GNAO1: variants seen among roughly 807,000 people sequenced by gnomAD.
GNAO1 encodes the protein guanine nucleotide-binding protein G(o) subunit alpha.
For missense variants in GNAO1, 166 were observed against 478.7 expected, an observed-to-expected ratio of 0.35 and a Z score of 6.10; for synonymous variants, 164 against 180.7, an observed-to-expected ratio of 0.91 and a Z score of 0.74.
intron 2 of GNAO1, among the ~76,000 whole-genome samples, chr16:56,251,098 G>T (rs571598652): frequency 6.6e-6 from 1 of 152,340 alleles, no homozygotes; most frequent in Admixed American, 6.5e-5. Context: ...GTGTTTTACA[G>T]TCTACAACAG....
At chr16:56,303,799 A>G (rs2037366886) in intron 3 of GNAO1, among the ~76,000 whole-genome samples, 1 of 151,732 alleles carries the variant, frequency 6.6e-6, no homozygotes, top group African/African-American at 2.4e-5. Context: ...GAGTTCTCTC[A>G]GGATAGCCAT....
At chr16:56,238,146 T>C (rs1374173084) in intron 2 of GNAO1, among the ~76,000 whole-genome samples, 6 of 150,882 alleles carry the variant, frequency 4.0e-5, no homozygotes, top group African/African-American at 1.5e-4. Flanking sequence ...CGACTTTTTT[T>C]CAGCAGGCCT....
intron 4 of GNAO1, among the ~76,000 whole-genome samples, chr16:56,331,653 G>T (rs2037689718): frequency 1.3e-5 from 2 of 152,088 alleles, no homozygotes; most frequent in Non-Finnish European, 1.5e-5. Flanking sequence ...TGGTGATGGG[G>T]GAGGTCTGCT....
intron 3 of GNAO1, among the ~76,000 whole-genome samples, chr16:56,279,057 T>A (rs531166916): frequency 1.2e-3 from 184 of 152,076 alleles, no homozygotes; most frequent in African/African-American, 4.3e-3. Flanking sequence ...CTCTCATGTT[T>A]TTTTCACCTC....
At chr16:56,269,023 A>C (rs2036986367) in intron 2 of GNAO1, among the ~76,000 whole-genome samples, 1 of 152,176 alleles carries the variant, frequency 6.6e-6, no homozygotes, top group African/African-American at 2.4e-5. Flanking sequence ...GACGGCTGGA[A>C]ACCATTGGTG....
At chr16:56,200,380 C>T (rs2036272095) in intron 2 of GNAO1, among the ~76,000 whole-genome samples, 1 of 152,136 alleles carries the variant, frequency 6.6e-6, no homozygotes, top group Admixed American at 6.5e-5. Context: ...TTATTATTCT[C>T]CATAAACCAA....
chr16:56,203,184 A>T (rs1409417218), intron 2 of GNAO1, among the ~76,000 whole-genome samples: 1 of 151,606 alleles, frequency 6.6e-6, no homozygotes, highest in East Asian at 1.9e-4. Context: ...CTGTTGTTTT[A>T]CTCCACCGAG....
intron 2 of GNAO1, among the ~76,000 whole-genome samples, chr16:56,261,587 C>T (rs143797199): frequency 1.3e-5 from 2 of 152,310 alleles, no homozygotes; most frequent in Non-Finnish European, 2.9e-5. Context: ...AGAAGAGACA[C>T]AAGGGAGTGA....
At chr16:56,304,967 G>A (rs1480775032) in intron 3 of GNAO1, among the ~76,000 whole-genome samples, 1 of 152,250 alleles carries the variant, frequency 6.6e-6, no homozygotes, top group Non-Finnish European at 1.5e-5. Flanking sequence ...TCCAGGACAG[G>A]TAGGGTTAGC....
chr16:56,281,896 A>C (rs1368437155), intron 3 of GNAO1, among the ~76,000 whole-genome samples: 2 of 152,174 alleles, frequency 1.3e-5, no homozygotes, highest in African/African-American at 4.8e-5. Flanking sequence ...ATACACACAC[A>C]TGTGTCTATA....
chr16:56,201,163 C>T (rs575752740), intron 2 of GNAO1, among the ~76,000 whole-genome samples: 134 of 152,280 alleles, frequency 8.8e-4, no homozygotes, highest in African/African-American at 3.1e-3. Flanking sequence ...TGTCTGTATA[C>T]ACAGTGTGCT....
At position 56,311,187 on chromosome 16, in the gene GNAO1, G is replaced by C. The variant is rs1349932679; in HGVS notation, c.304-17444G>C. On this transcript the variant is annotated intron_variant, in intron 3 of 8. Coordinates refer to ENST00000262493, the MANE Select transcript of GNAO1 (RefSeq NM_020988.3). This position sits in a 1 kb window ranked among gnomAD's most constrained non-coding sequence, Gnocchi z 5.2. ...GTGTGGGGCTTGGGGGTGGAGATGG[G>C]GGAGAGAGGCATGGAAGGGGGTAAG... is the stretch of plus-strand genomic sequence containing the variant. Among the ~76,000 whole-genome samples the C allele has an allele frequency of 6.7e-6, 1 of 149,802 alleles. No homozygotes were observed. The highest frequency in any genetic ancestry group is 2.5e-5 in the African/African-American group (1 of 40,718).
Position 56,192,146 on chromosome 16 carries a change from A to T in GNAO1, c.-90A>T. ...ATCGTGATTTTCCCCCCTTGAGCCC[A>T]GGCTCTGCTCTCTGGGGGGGTGGGG... On this transcript the variant is annotated 5_prime_UTR_variant, in exon 1 of 9. Coordinates refer to ENST00000262493, the MANE Select transcript of GNAO1 (RefSeq NM_020988.3). 1.4e-6 allele frequency: 1 copy of T among 716,708 alleles called. No homozygotes were observed. The highest frequency in any genetic ancestry group is 1.6e-5 in the South Asian group (1 of 63,402). The allele number at this position is 716,708 out of a possible 1,614,324, so 44.4% of individuals were successfully genotyped here. A position where few individuals can be genotyped will look rare whatever the true frequency, so the allele number is the denominator to read the frequency against.
rs73558363 is a variant in GNAO1, at chr16:56,287,329, C to T, written c.303+11257C>T. 8.2e-3 allele frequency among the ~76,000 whole-genome samples: 1,250 copies of T among 152,352 alleles called. 22 individuals are homozygous for T. Among genetic ancestry groups the T allele is most frequent in the African/African-American group, 0.028 (1,178 of 41,586 alleles). ...GCTGGGGAGGCACTGCCCCAGAGGG[C>T]GGGCAGCAGGAGTCAGAGATGTGAC... On this transcript the variant is annotated intron_variant, in intron 3 of 8. Transcript: ENST00000262493.
chr16:56,205,354 C>G (rs1228107289), intron 2 of GNAO1, among the ~76,000 whole-genome samples: 1 of 152,182 alleles, frequency 6.6e-6, no homozygotes, highest in Non-Finnish European at 1.5e-5. Context: ...GAGCTCCAGC[C>G]AGGGCAGACA....
intron 2 of GNAO1, among the ~76,000 whole-genome samples, chr16:56,252,113 G>C (rs538681153): frequency 2.0e-4 from 31 of 152,340 alleles, no homozygotes; most frequent in African/African-American, 6.7e-4. Context: ...AGGGAATTCT[G>C]TATCAAATGA....
Position 56,307,278 on chromosome 16 carries a change from CA to C in GNAO1, c.304-21352del, listed in dbSNP as rs1422502282. Reference sequence around the variant, plus strand: ...CCCAGAATCCCGGGAGGGGCAGCCCCAGTCCCTTTCAGATTGGAGGGCAGCG... The same window carrying C: ...CCCAGAATCCCGGGAGGGGCAGCCCCGTCCCTTTCAGATTGGAGGGCAGCG... On this transcript the variant is annotated intron_variant, in intron 3 of 8. Transcript: ENST00000262493. 3 of 152,204 alleles carry C rather than the reference CA, an allele frequency of 2.0e-5. No individual in the cohort carries two copies. In the East Asian group the frequency reaches 5.8e-4, roughly 29 times the overall value. 9.4% of individuals were successfully genotyped at this position (152,204 alleles called of 1,614,324 possible).
intron 2 of GNAO1, among the ~76,000 whole-genome samples, chr16:56,266,896 G>A (rs1596830856): frequency 6.6e-6 from 1 of 152,154 alleles, no homozygotes; most frequent in Admixed American, 6.5e-5. Flanking sequence ...AAAGGAAAGA[G>A]TGGTGTTCTC....
chr16:56,249,078 G>A (rs1458899328), intron 2 of GNAO1, among the ~76,000 whole-genome samples: 2 of 152,316 alleles, frequency 1.3e-5, no homozygotes, highest in African/African-American at 4.8e-5. Context: ...ATTTAGGGAG[G>A]TAGCAGAGCA....
Sources: gnomAD v4.1 joint callset for allele counts (sites outside exome capture counted in the v4.1 genomes callset) on GRCh38, gnomAD v4.1.1 for gene constraint, Gnocchi (gnomAD v3.1) non-coding constraint, MANE v1.5 for transcripts, NCBI Gene and HGNC (gene_info 2026-07-23, HGNC 2026-07-21) for gene names.